HTRA1: variants seen among roughly 807,000 people sequenced by gnomAD.
HTRA1 encodes the protein HtrA serine peptidase 1, also known as serine protease HTRA1.
In HTRA1, 26 loss-of-function variants were observed where a neutral mutation model predicts 49.7. The observed-to-expected ratio is 0.52, with a 90% CI of 0.38 to 0.73. The LOEUF (loss-of-function observed/expected upper bound fraction) is 0.73. HTRA1 is among the 30% of genes least tolerant of loss of function. The pLI is 0.00. For missense variants in HTRA1, 561 were observed against 667.2 expected (o/e 0.84, Z 1.75); for synonymous variants, 291 against 286.9 (o/e 1.01, Z -0.14).
chr10:122,484,064 G>A (rs2097492116), intron 1 of HTRA1, among the ~76,000 whole-genome samples: 1 of 152,088 alleles, frequency 6.6e-6, no homozygotes, highest in Non-Finnish European at 1.5e-5. Context: ...GCCTCATTGT[G>A]TGGTCCATTA....
At chr10:122,478,392 A>ATT (rs34977432) in intron 1 of HTRA1, among the ~76,000 whole-genome samples, 7,229 of 118,972 alleles carry the variant, frequency 0.061, 456 homozygotes, top group Middle Eastern at 0.13. Flanking sequence ...AGTTTGACAG[A>ATT]TTTTTTTTTT....
At chr10:122,499,700 C>G (rs1158193403) in intron 3 of HTRA1, among the ~76,000 whole-genome samples, 1 of 152,232 alleles carries the variant, frequency 6.6e-6, no homozygotes, top group African/African-American at 2.4e-5. Flanking sequence ...AGGAGACATG[C>G]AAGTTCTATA....
intron 1 of HTRA1, among the ~76,000 whole-genome samples, chr10:122,469,886 C>A (rs769788530): frequency 1.3e-5 from 2 of 152,156 alleles, no homozygotes; most frequent in African/African-American, 2.4e-5. Context: ...GTGTTTCCAG[C>A]TATCTTTCTG....
At chr10:122,508,620 C>T (rs747498057) in intron 5 of HTRA1, 36 bp from the exon 6 acceptor site, 1 of 1,339,378 alleles carries the variant, frequency 7.5e-7, no homozygotes, top group Non-Finnish European at 1.1e-6. Flanking sequence ...GGTAAAGCTT[C>T]ACGATTCAGT....
intron 8 of HTRA1, 32 bp from the exon 9 acceptor site, chr10:122,514,159 A>G (rs1214281338): frequency 1.2e-6 from 2 of 1,608,278 alleles, no homozygotes; most frequent in South Asian, 1.1e-5. Context: ...GAAACACGAA[A>G]CATTGCCATT....
intron 3 of HTRA1, among the ~76,000 whole-genome samples, chr10:122,496,187 C>A (rs1044843646): frequency 4.9e-5 from 6 of 122,908 alleles, no homozygotes; most frequent in Non-Finnish European, 9.8e-5. Context: ...GGAAGAGAAG[C>A]TGATTTTGTT....
chr10:122,511,158 A>T (rs1334112487), intron 7 of HTRA1, among the ~76,000 whole-genome samples: 1 of 152,148 alleles, frequency 6.6e-6, no homozygotes, highest in Non-Finnish European at 1.5e-5. Flanking sequence ...CAGATCAGGG[A>T]GTGGTGGCAG....
At position 122,514,330 on chromosome 10, in the gene HTRA1, A is replaced by G; in HGVS notation, c.1414A>G (p.Thr472Ala). 6.2e-7 allele frequency: 1 copy of G among 1,614,198 alleles called. No homozygotes were observed. Among genetic ancestry groups the G allele is most frequent in the Admixed American group, 1.7e-5 (1 of 60,024 alleles). The change falls in exon 9 of 9, where the codon ACA becomes GCA. Residue 472 changes from threonine to alanine, a missense_variant. Thr to Ala is a moderately conservative substitution (Grantham distance 58, BLOSUM62 0). Coordinates refer to ENST00000368984, the MANE Select transcript of HTRA1 (RefSeq NM_002775.5). Reference sequence around the variant, plus strand: ...CAGGGGTAATGAAGATATCATGATCACAGTGATTCCCGAAGAAATTGACCC... The same window carrying G: ...CAGGGGTAATGAAGATATCATGATCGCAGTGATTCCCGAAGAAATTGACCC... ...VRRGNEDIMITVIPEEIDP is the reference protein window; with the variant it reads ...VRRGNEDIMIAVIPEEIDP
Position 122,461,710 on chromosome 10 carries a change from G to A in HTRA1, c.58G>A (p.Ala20Thr). 1 of 1,297,510 alleles carries A rather than the reference G, an allele frequency of 7.7e-7. No homozygotes were observed. Among genetic ancestry groups the A allele is most frequent in the African/African-American group, 1.6e-5 (1 of 62,886 alleles). 80.4% of individuals were successfully genotyped at this position (1,297,510 alleles called of 1,614,324 possible). ...PLLLLLLAAP[A>T]SAQLSRAGRS... ...GCTGCTGCTGCTGCTGGCGGCGCCC[G>A]CCTCGGCGCAGCTGTCCCGGGCCGG... Residue 20 changes from alanine (A) to threonine (T), a missense_variant, in exon 1 of 9, where the codon GCC (alanine) becomes ACC (threonine). By Grantham distance (58) the Ala-to-Thr change is moderately conservative. Around this residue, in one of 3 missense-constraint regions of HTRA1, gnomAD observed 111 missense variants for 83.7 expected, o/e 1.33. Coordinates refer to ENST00000368984, the MANE Select transcript of HTRA1 (RefSeq NM_002775.5).
intron 3 of HTRA1, among the ~76,000 whole-genome samples, chr10:122,493,824 GCCCCTCCTCCCCTT>G (rs2097497088): frequency 6.7e-6 from 1 of 149,902 alleles, no homozygotes; most frequent in Non-Finnish European, 1.5e-5. Context: ...CACTCTCTCT[GCCCCTCCTCCCCTT>G]CCCCTCCTCC....
At chr10:122,499,305 T>A (rs1027621671) in intron 3 of HTRA1, among the ~76,000 whole-genome samples, 1 of 152,094 alleles carries the variant, frequency 6.6e-6, no homozygotes, top group Admixed American at 6.5e-5. Flanking sequence ...GCGCTCACTG[T>A]CCCATAAATA....
intron 7 of HTRA1, among the ~76,000 whole-genome samples, chr10:122,511,088 A>T (rs1357106339): frequency 6.6e-6 from 1 of 152,156 alleles, no homozygotes; most frequent in Non-Finnish European, 1.5e-5. Flanking sequence ...TGAGTGCCTC[A>T]GTTTCCTCCT....
intron 1 of HTRA1, among the ~76,000 whole-genome samples, chr10:122,468,931 C>A (rs2133909526): frequency 6.6e-6 from 1 of 152,248 alleles, no homozygotes; most frequent in Non-Finnish European, 1.5e-5. Context: ...TCCATGGATA[C>A]CCTATTATTT....
intron 1 of HTRA1, among the ~76,000 whole-genome samples, chr10:122,486,086 T>C: frequency 6.6e-6 from 1 of 152,192 alleles, no homozygotes; most frequent in South Asian, 2.1e-4. Flanking sequence ...GTAGCAGATC[T>C]GTAGGAGGCC....
At chr10:122,478,212 G>A (rs887492224) in intron 1 of HTRA1, among the ~76,000 whole-genome samples, 1 of 152,212 alleles carries the variant, frequency 6.6e-6, no homozygotes, top group Non-Finnish European at 1.5e-5. Context: ...AACTGGAAGA[G>A]ACATTAGAAT....
At chr10:122,505,221 T>A (rs1345811952) in intron 3 of HTRA1, among the ~76,000 whole-genome samples, 1 of 152,188 alleles carries the variant, frequency 6.6e-6, no homozygotes, top group Non-Finnish European at 1.5e-5. Flanking sequence ...TCACGCAGCC[T>A]GGCCCCAGGT....
intron 3 of HTRA1, among the ~76,000 whole-genome samples, chr10:122,497,428 G>A (rs1413955401): frequency 6.6e-6 from 1 of 152,066 alleles, no homozygotes; most frequent in East Asian, 1.9e-4. Flanking sequence ...CCTGCATTTG[G>A]GGCTCAAAGA....
In HTRA1 at chr10:122,487,602, G is replaced by C. The variant is rs539259133; in HGVS notation, c.473-1300G>C. On this transcript the variant is annotated intron_variant, in intron 1 of 8. Coordinates refer to ENST00000368984, the MANE Select transcript of HTRA1 (RefSeq NM_002775.5). This position sits in a 1 kb window ranked among gnomAD's most constrained non-coding sequence, Gnocchi z 4.8. ...TGGGGCCACTCACTGTAATATAAACGGTCATGCATCACTGAGCAACAGGGA... is the reference window on the plus strand; with the variant it reads ...TGGGGCCACTCACTGTAATATAAACCGTCATGCATCACTGAGCAACAGGGA... Among the ~76,000 whole-genome samples the C allele has an allele frequency of 6.6e-6, 1 of 152,138 alleles. No individual in the cohort carries two copies. The highest frequency in any genetic ancestry group is 1.5e-5 in the Non-Finnish European group (1 of 68,032).
chr10:122,461,705 C>T lies in HTRA1; in HGVS notation c.53C>T (p.Ala18Val), dbSNP rs1404614994. 7 of 1,293,200 alleles carry T rather than the reference C, an allele frequency of 5.4e-6. No homozygotes were observed. Among genetic ancestry groups the T allele is most frequent in the East Asian group, 4.8e-5 (1 of 20,960 alleles). The allele number at this position is 1,293,200 out of a possible 1,614,324, so 80.1% of individuals were successfully genotyped here. The change falls in exon 1 of 9, where the codon GCG becomes GTG. Residue 18 changes from alanine (A) to valine (V), a missense_variant. Ala to Val is a moderately conservative substitution (Grantham distance 64). This residue lies in a region of HTRA1 where 111 missense variants were observed against 83.7 expected (regional missense o/e 1.33). Coordinates refer to ENST00000368984, the MANE Select transcript of HTRA1 (RefSeq NM_002775.5). Reference protein sequence around the residue: ...LLPLLLLLLAAPASAQLSRAG... With the variant: ...LLPLLLLLLAVPASAQLSRAG... ...CCGCTGCTGCTGCTGCTGCTGGCGG[C>T]GCCCGCCTCGGCGCAGCTGTCCCGG...
Sources: allele counts gnomAD v4.1 joint callset (sites outside exome capture counted in the v4.1 genomes callset), GRCh38; gene constraint gnomAD v4.1.1; regional missense constraint gnomAD v4.1.1; non-coding constraint Gnocchi (gnomAD v3.1); transcripts MANE v1.5; gene names NCBI Gene and HGNC (gene_info 2026-07-23, HGNC 2026-07-21).